COL5A2: variants seen among roughly 807,000 people sequenced by gnomAD.
COL5A2 encodes collagen alpha-2(V) chain.
A neutral mutation model predicts 208.2 loss-of-function variants in COL5A2; 23 were observed. That is an observed-to-expected ratio of 0.11 (90% CI 0.08 to 0.16). The LOEUF is 0.16. Ranked by LOEUF, COL5A2 falls within the 10% of genes least tolerant of loss-of-function variation. The pLI, the probability that COL5A2 is intolerant of heterozygous loss-of-function variation, is 1.00. For missense variants in COL5A2, 1,590 were observed against 1,956.4 expected (o/e 0.81, Z 3.53); for synonymous variants, 625 against 628.5 (o/e 0.99, Z 0.08).
At chr2:189,410,205 G>C in the COL5A2 span, among the ~76,000 whole-genome samples, 4 of 152,006 alleles carry the variant, frequency 2.6e-5, no homozygotes, top group Non-Finnish European at 5.9e-5. Context: ...GTTTTACTTT[G>C]AGAGGAAAAT....
the COL5A2 span, among the ~76,000 whole-genome samples, chr2:189,422,330 A>T: frequency 6.6e-6 from 1 of 152,290 alleles, no homozygotes; most frequent in Admixed American, 6.5e-5. Context: ...AATTTAACAG[A>T]GATTGAAATA....
At chr2:189,341,655 G>T in the COL5A2 span, among the ~76,000 whole-genome samples, 1 of 152,146 alleles carries the variant, frequency 6.6e-6, no homozygotes, top group Admixed American at 6.5e-5. Flanking sequence ...ACTAACAAGT[G>T]ATTAGGTGAC....
chr2:189,119,652 A>G (rs1250355656), intron 1 of COL5A2, among the ~76,000 whole-genome samples: 1 of 151,974 alleles, frequency 6.6e-6, no homozygotes, highest in Non-Finnish European at 1.5e-5. Flanking sequence ...GGAAAACAAT[A>G]CTCTTGTCAT....
At chr2:189,202,605 GATA>G (rs757398403) in intron 1 of COL5A2, among the ~76,000 whole-genome samples, 6 of 152,116 alleles carry the variant, frequency 3.9e-5, no homozygotes, top group African/African-American at 1.4e-4. Flanking sequence ...AAGAAAGAAT[GATA>G]ATAGTAGTAC....
the COL5A2 span, among the ~76,000 whole-genome samples, chr2:189,284,765 C>CA: frequency 2.7e-4 from 41 of 152,086 alleles, no homozygotes; most frequent in Non-Finnish European, 4.9e-4. Flanking sequence ...ACTGTGAAAA[C>CA]ATACAGTGTA....
chr2:189,376,433 T>C, the COL5A2 span, among the ~76,000 whole-genome samples: 2 of 152,140 alleles, frequency 1.3e-5, no homozygotes, highest in African/African-American at 4.8e-5. Flanking sequence ...AATATACTTG[T>C]AGGATAAACA....
the COL5A2 span, among the ~76,000 whole-genome samples, chr2:189,330,977 G>A: frequency 2.0e-5 from 3 of 152,152 alleles, no homozygotes; most frequent in African/African-American, 7.2e-5. Context: ...CCGACTCTCA[G>A]AGGAGACAGA....
chr2:189,234,194 T>A, the COL5A2 span, among the ~76,000 whole-genome samples: 2 of 151,678 alleles, frequency 1.3e-5, no homozygotes, highest in African/African-American at 4.8e-5. Flanking sequence ...TCCTCCTAAG[T>A]AAATTGCAAA....
chr2:189,063,324 G>T, intron 26 of COL5A2, 54 bp from the exon 27 acceptor site: 1 of 1,404,914 alleles, frequency 7.1e-7, no homozygotes, highest in Non-Finnish European at 1.0e-6. Context: ...TCTAAACATA[G>T]CATCACCCAA....
chr2:189,353,539 T>C, the COL5A2 span, among the ~76,000 whole-genome samples: 1 of 152,216 alleles, frequency 6.6e-6, no homozygotes, highest in South Asian at 2.1e-4. Flanking sequence ...GGTATTTTAT[T>C]ATCTTTGTAG....
the COL5A2 span, among the ~76,000 whole-genome samples, chr2:189,397,229 C>T: frequency 6.6e-6 from 1 of 152,112 alleles, no homozygotes; most frequent in African/African-American, 2.4e-5. Flanking sequence ...ACTCAGTAAA[C>T]AGTAACAGTT....
At chr2:189,292,457 A>G in the COL5A2 span, among the ~76,000 whole-genome samples, 8 of 152,318 alleles carry the variant, frequency 5.3e-5, no homozygotes, top group South Asian at 8.3e-4. Flanking sequence ...ATGAACAGAC[A>G]CTTCTCAAAA....
At chr2:189,049,520 C>T (rs761489986) in intron 43 of COL5A2, 66 bp from the exon 44 acceptor site, 2 of 1,320,464 alleles carry the variant, frequency 1.5e-6, no homozygotes, top group Non-Finnish European at 2.1e-6. Flanking sequence ...CCCATAAAGG[C>T]TAAGTTTTCA....
chr2:189,279,782 G>T, the COL5A2 span, among the ~76,000 whole-genome samples: 2 of 152,024 alleles, frequency 1.3e-5, no homozygotes, highest in Non-Finnish European at 2.9e-5. Flanking sequence ...ATATACTACT[G>T]GGCAAGAGAA....
chr2:189,309,460 G>A, the COL5A2 span, among the ~76,000 whole-genome samples: 1 of 152,110 alleles, frequency 6.6e-6, no homozygotes, highest in East Asian at 1.9e-4. Flanking sequence ...CCCAAGTGCT[G>A]GCAGGCCACT....
chr2:189,206,818 T>A (rs560100778), intron 1 of COL5A2, among the ~76,000 whole-genome samples: 2 of 152,338 alleles, frequency 1.3e-5, no homozygotes, highest in East Asian at 3.9e-4. Flanking sequence ...CAATGACACA[T>A]ACTCGAAAGT....
At chr2:189,102,455 T>A (rs1300933700) in intron 3 of COL5A2, among the ~76,000 whole-genome samples, 1 of 152,114 alleles carries the variant, frequency 6.6e-6, no homozygotes, top group Non-Finnish European at 1.5e-5. Context: ...AATGTAAATA[T>A]TTGTTTCTAT....
chr2:189,084,377 T>C (rs542272512), intron 11 of COL5A2, among the ~76,000 whole-genome samples: 1 of 152,220 alleles, frequency 6.6e-6, no homozygotes, highest in Non-Finnish European at 1.5e-5. Flanking sequence ...TATAGAATTC[T>C]ATATGATCAC....
intron 1 of COL5A2, among the ~76,000 whole-genome samples, chr2:189,178,076 A>G (rs1274882892): frequency 6.6e-6 from 1 of 151,708 alleles, no homozygotes; most frequent in Non-Finnish European, 1.5e-5. Flanking sequence ...CTTTCTATTC[A>G]ATTATTTTTG....
Sources: allele counts gnomAD v4.1 joint callset (sites outside exome capture counted in the v4.1 genomes callset), GRCh38; gene constraint gnomAD v4.1.1; transcripts MANE v1.5; gene names NCBI Gene and HGNC (gene_info 2026-07-23, HGNC 2026-07-21).